SAMD12: variants seen among roughly 807,000 people sequenced by gnomAD.
The protein encoded by SAMD12 is sterile alpha motif domain-containing protein 12.
A neutral mutation model predicts 15.0 loss-of-function variants in SAMD12; 9 were observed. The observed-to-expected ratio is 0.60, with a 90% CI of 0.36 to 1.05. The LOEUF (loss-of-function observed/expected upper bound fraction) is 1.05, where lower values mean the gene tolerates loss of function less well. Among genes scored for constraint, SAMD12 ranks in the 50% least tolerant of loss-of-function variants. The probability of loss-of-function intolerance (pLI) is 0.01; values close to 1 mark genes in which losing one functional copy is unlikely to be tolerated. For missense variants in SAMD12, 230 were observed against 234.2 expected (o/e 0.98, Z 0.12); for synonymous variants, 86 against 90.1 (o/e 0.96, Z 0.25).
chr8:118,371,876 G>A (rs1819115253), intron 4 of SAMD12, among the ~76,000 whole-genome samples: 1 of 152,170 alleles, frequency 6.6e-6, no homozygotes, highest in Non-Finnish European at 1.5e-5. Context: ...GGACGTGGCA[G>A]AAGAGGGCAG....
At chr8:118,261,496 T>C (rs927130680) in intron 4 of SAMD12, among the ~76,000 whole-genome samples, 73 of 152,222 alleles carry the variant, frequency 4.8e-4, no homozygotes, top group African/African-American at 1.7e-3. Context: ...AAATTGAATA[T>C]GACACATTAA....
chr8:118,470,724 C>T (rs1586743679), intron 2 of SAMD12, among the ~76,000 whole-genome samples: 1 of 152,124 alleles, frequency 6.6e-6, no homozygotes, highest in African/African-American at 2.4e-5. Flanking sequence ...ATAGATAAGG[C>T]ACATAATATA....
chr8:118,478,080 G>T (rs1313090872), intron 2 of SAMD12, among the ~76,000 whole-genome samples: 1 of 150,582 alleles, frequency 6.6e-6, no homozygotes, highest in African/African-American at 2.4e-5. Context: ...TGCACCTCTA[G>T]TTCTCAATAT....
At chr8:118,230,102 G>A (rs1043014723) in intron 4 of SAMD12, among the ~76,000 whole-genome samples, 1 of 152,050 alleles carries the variant, frequency 6.6e-6, no homozygotes, top group Non-Finnish European at 1.5e-5. Flanking sequence ...AGGAGGAGAG[G>A]GAGTAAAAGG....
intron 4 of SAMD12, among the ~76,000 whole-genome samples, chr8:118,306,217 C>A (rs1815341852): frequency 6.6e-6 from 1 of 152,166 alleles, no homozygotes; most frequent in Admixed American, 6.5e-5. Context: ...CTGACTAGAA[C>A]CTCACTGATG....
At chr8:118,242,654 C>T (rs914782061) in intron 4 of SAMD12, among the ~76,000 whole-genome samples, 1 of 151,926 alleles carries the variant, frequency 6.6e-6, no homozygotes, top group Non-Finnish European at 1.5e-5. Flanking sequence ...GAACATATCT[C>T]CCACAGACAA....
chr8:118,253,041 T>C (rs1022483011), intron 4 of SAMD12, among the ~76,000 whole-genome samples: 2 of 152,138 alleles, frequency 1.3e-5, no homozygotes, highest in African/African-American at 2.4e-5. Flanking sequence ...CAGCATTGGC[T>C]GGGGAGACCT....
At chr8:118,320,370 A>C (rs781224155) in intron 4 of SAMD12, among the ~76,000 whole-genome samples, 6 of 152,104 alleles carry the variant, frequency 3.9e-5, no homozygotes, top group Non-Finnish European at 8.8e-5. Flanking sequence ...GGGTTAAGGG[A>C]AGGGATCCTA....
chr8:118,136,978 C>T, the SAMD12 span, among the ~76,000 whole-genome samples: 52 of 152,246 alleles, frequency 3.4e-4, no homozygotes, highest in Non-Finnish European at 6.5e-4. Flanking sequence ...CCAGGTTCTC[C>T]GTGTTTTGAA....
At position 118,194,284 on chromosome 8, in the gene SAMD12, T is replaced by A. The variant is rs577141640; in HGVS notation, c.*3426A>T. ...ACTCTGGAGAGATTCCTGGCTTGTT[T>A]GCCAGGATTCCGGAGGTAGAAGTGA... On this transcript the variant is annotated 3_prime_UTR_variant, in exon 5 of 5. Transcript: ENST00000409003. 8 of 152,268 alleles carry A rather than the reference T, an allele frequency of 5.3e-5. No individual in the cohort carries two copies. In the East Asian group the frequency reaches 1.5e-3, roughly 29 times the overall value. The allele number at this position is 152,268 out of a possible 1,614,324, so 9.4% of individuals were successfully genotyped here. A position where few individuals can be genotyped will look rare whatever the true frequency, so the allele number is the denominator to read the frequency against.
At position 118,575,701 on chromosome 8, in the gene SAMD12, G is replaced by GA. The variant is rs143300536; in HGVS notation, c.192+5013dup. 2.0e-5 allele frequency among the ~76,000 whole-genome samples: 3 copies of GA among 151,958 alleles called. No individual in the cohort carries two copies. In the South Asian group the frequency reaches 6.2e-4, roughly 32 times the overall value. ...ACTCCAGGAATTAGCATTGTGGCAG[G>GA]AAAAAACAAAGGATTATCAACCTTA... On this transcript the variant is annotated intron_variant, in intron 2 of 3. Transcript: ENST00000314727.
chr8:118,405,825 C>G (rs772727132), intron 3 of SAMD12, among the ~76,000 whole-genome samples: 7 of 152,068 alleles, frequency 4.6e-5, no homozygotes, highest in Non-Finnish European at 1.0e-4. Context: ...TTATGATGTC[C>G]CTTCTCAGCT....
intron 4 of SAMD12, among the ~76,000 whole-genome samples, chr8:118,348,345 G>C (rs1817770801): frequency 6.6e-6 from 1 of 151,932 alleles, no homozygotes; most frequent in Non-Finnish European, 1.5e-5. Flanking sequence ...TTGGGGTTAC[G>C]GGCGTGAGCC....
intron 2 of SAMD12, among the ~76,000 whole-genome samples, chr8:118,454,799 G>A (rs1823198194): frequency 6.6e-6 from 1 of 152,048 alleles, no homozygotes; most frequent in South Asian, 2.1e-4. Flanking sequence ...CTGTCCCCTT[G>A]TCTCCCCATT....
chr8:118,154,659 A>G, the SAMD12 span, among the ~76,000 whole-genome samples: 1 of 152,224 alleles, frequency 6.6e-6, no homozygotes, highest in African/African-American at 2.4e-5. Context: ...AAATTTTAGT[A>G]TACACCAAGA....
intron 4 of SAMD12, among the ~76,000 whole-genome samples, chr8:118,247,342 C>G (rs1341570842): frequency 6.6e-6 from 1 of 152,004 alleles, no homozygotes; most frequent in Non-Finnish European, 1.5e-5. Context: ...TTCTGGTGAT[C>G]TATTATACAG....
chr8:118,253,589 A>G (rs1812867169), intron 4 of SAMD12, among the ~76,000 whole-genome samples: 1 of 152,176 alleles, frequency 6.6e-6, no homozygotes. Flanking sequence ...CAGGCATTTT[A>G]GGAAACTGTG....
chr8:118,581,420 G>C lies in SAMD12; in HGVS notation c.14-527C>G, dbSNP rs564606697. Among the ~76,000 whole-genome samples the C allele has an allele frequency of 7.2e-5, 11 of 152,270 alleles. No individual in the cohort carries two copies. In the South Asian group the frequency reaches 2.1e-3, roughly 29 times the overall value. ...TGGAAACATGGATTTACATATGACAGATGTTACCTTCAAAGAACTCACAAT... is the reference window on the plus strand; with the variant it reads ...TGGAAACATGGATTTACATATGACACATGTTACCTTCAAAGAACTCACAAT... On this transcript the variant is annotated intron_variant, in intron 1 of 3. Transcript: ENST00000314727.
Position 118,378,660 on chromosome 8 carries a change from C to T in SAMD12, c.*757G>A. The T allele has an allele frequency of 1.0e-6, 1 of 984,894 alleles. No homozygotes were observed. Among genetic ancestry groups the T allele is most frequent in the Non-Finnish European group, 1.2e-6 (1 of 829,512 alleles). The allele number at this position is 984,894 out of a possible 1,614,324, so 61.0% of individuals were successfully genotyped here. On this transcript the variant is annotated 3_prime_UTR_variant, in exon 4 of 4. Transcript: ENST00000314727. Reference sequence around the variant, plus strand: ...AATATTCTGCAGAATGACAAATACTCAAGGCTCTCAAAAACACATATTTTA... The same window carrying T: ...AATATTCTGCAGAATGACAAATACTTAAGGCTCTCAAAAACACATATTTTA...
Sources: gnomAD v4.1 joint callset for allele counts (sites outside exome capture counted in the v4.1 genomes callset) on GRCh38, gnomAD v4.1.1 for gene constraint, MANE v1.5 for transcripts, NCBI Gene and HGNC (gene_info 2026-07-23, HGNC 2026-07-21) for gene names.